Variants in CUX1 observed in about 807,000 individuals in gnomAD.
CUX1 encodes the protein cut like homeobox 1, also known as protein CASP.
A neutral mutation model predicts 158.8 loss-of-function variants in CUX1; 31 were observed. That is an observed-to-expected ratio of 0.20 (90% confidence interval 0.15 to 0.26). The LOEUF (loss-of-function observed/expected upper bound fraction) is 0.26. CUX1 is among the 10% of genes least tolerant of loss of function. The pLI is 1.00. For missense variants in CUX1, 1,589 were observed against 2,014.6 expected (o/e 0.79, Z 4.04); for synonymous variants, 879 against 862.1 (o/e 1.02, Z -0.34).
At chr7:101,817,616 C>T, upstream of CUX1, 1 of 1,542,406 alleles carries the variant, frequency 6.5e-7, no homozygotes, top group Non-Finnish European at 8.7e-7. The surrounding 1 kb of genome is among the most constrained non-coding windows in gnomAD (Gnocchi z 4.1). Flanking sequence ...GGCGCCGGGA[C>T]AGCCCCGGGA....
At position 101,919,209 on chromosome 7, in the gene CUX1, T is replaced by G. The variant is rs75912022; in HGVS notation, c.141+2984T>G. Among the ~76,000 whole-genome samples, 298 of 151,180 alleles carry G rather than the reference T, an allele frequency of 2.0e-3. 1 individual carries two copies. Among genetic ancestry groups the G allele is most frequent in the African/African-American group, 4.4e-3 (183 of 41,160 alleles). On this transcript the variant is annotated intron_variant, in intron 2 of 23. Coordinates refer to ENST00000292535, the MANE Select transcript of CUX1 (RefSeq NM_181552.4). ...CCCTGTGACAGCAGGTGTGTGTGTG[T>G]GGGGGGGGAGCTGTGACAGTACGTG... is the stretch of plus-strand genomic sequence containing the variant.
chr7:101,992,622 G>T (rs1236894448), intron 2 of CUX1, among the ~76,000 whole-genome samples: 1 of 152,182 alleles, frequency 6.6e-6, no homozygotes, highest in Non-Finnish European at 1.5e-5. Flanking sequence ...CCCAGAGGGT[G>T]ATACTGATTT....
rs782522480 is a variant in CUX1 at position 102,249,526 on chromosome 7, ACT to A, written c.*487_*488del. ...AGTGATTTCCACAGGTTCTGGAATA[ACT>A]CTTACAGCTTTGCCTTGTGTCCTCC... On this transcript the variant is annotated 3_prime_UTR_variant, in exon 24 of 24. Coordinates refer to ENST00000292535, the MANE Select transcript of CUX1 (RefSeq NM_181552.4). 3 of 985,774 alleles carry A rather than the reference ACT, an allele frequency of 3.0e-6. No homozygotes were observed. Among genetic ancestry groups the A allele is most frequent in the Non-Finnish European group, 2.4e-6 (2 of 829,928 alleles). 61.1% of individuals were successfully genotyped at this position (985,774 alleles called of 1,614,324 possible).
At position 101,865,905 on chromosome 7, in the gene CUX1, C is replaced by T. The variant is rs545486706; in HGVS notation, c.30+48236C>T. Among the ~76,000 whole-genome samples the T allele has an allele frequency of 2.6e-5, 4 of 152,256 alleles. No homozygotes were observed. The South Asian group carries it at 6.2e-4, about 24-fold the overall frequency. On this transcript the variant is annotated intron_variant, in intron 1 of 23. Coordinates refer to ENST00000292535, the MANE Select transcript of CUX1 (RefSeq NM_181552.4). ...ACGTGTTTTTGAGAGACCTTGGCAA[C>T]GCAGGCGACCTTGACGTCGACCAAA...
chr7:101,839,997 G>C (rs1242207008), intron 1 of CUX1, among the ~76,000 whole-genome samples: 1 of 152,176 alleles, frequency 6.6e-6, no homozygotes, highest in Non-Finnish European at 1.5e-5. Context: ...CCTGACCTCA[G>C]GTGATCCGTC....
chr7:102,190,950 A>T (rs1554516803), intron 12 of CUX1, among the ~76,000 whole-genome samples: 1 of 151,856 alleles, frequency 6.6e-6, no homozygotes, highest in East Asian at 1.9e-4. Context: ...ATGAGCCTAC[A>T]CCCACTCACC....
At chr7:102,012,070 A>G (rs1276907163) in intron 2 of CUX1, among the ~76,000 whole-genome samples, 1 of 152,170 alleles carries the variant, frequency 6.6e-6, no homozygotes, top group Non-Finnish European at 1.5e-5. Flanking sequence ...TTTGGACTAC[A>G]GAAAGGACTC....
At chr7:102,184,504 A>C (rs1008127918) in intron 11 of CUX1, among the ~76,000 whole-genome samples, 15 of 152,200 alleles carry the variant, frequency 9.9e-5, no homozygotes, top group Non-Finnish European at 2.9e-5. Flanking sequence ...TCAGATGAGA[A>C]ATGTGAGGCC....
chr7:101,834,089 G>A (rs1374359343), intron 1 of CUX1, among the ~76,000 whole-genome samples: 1 of 151,686 alleles, frequency 6.6e-6, no homozygotes, highest in Non-Finnish European at 1.5e-5. Context: ...ACAGGGCGGT[G>A]CCCAGGGATG....
chr7:102,223,521 ACTGT>A (rs1554527774), intron 20 of CUX1, among the ~76,000 whole-genome samples: 2 of 152,150 alleles, frequency 1.3e-5, no homozygotes, highest in East Asian at 1.9e-4. Flanking sequence ...TGTAGGATTC[ACTGT>A]CTGTCCTAAC....
At chr7:101,873,127 T>C (rs2131476687) in intron 1 of CUX1, among the ~76,000 whole-genome samples, 1 of 151,428 alleles carries the variant, frequency 6.6e-6, no homozygotes, top group East Asian at 1.9e-4. Context: ...CATCTAGGTC[T>C]CCCAAAGTGC....
At chr7:102,006,958 G>T (rs1308977996) in intron 2 of CUX1, among the ~76,000 whole-genome samples, 1 of 152,230 alleles carries the variant, frequency 6.6e-6, no homozygotes, top group African/African-American at 2.4e-5. Flanking sequence ...TGTATTTCTT[G>T]TAGATTTCGC....
At chr7:102,180,990 A>G (rs1349431628) in intron 11 of CUX1, among the ~76,000 whole-genome samples, 1 of 150,736 alleles carries the variant, frequency 6.6e-6, no homozygotes, top group Non-Finnish European at 1.5e-5. Context: ...TGCCCAGGCT[A>G]GGGTGCGATG....
chr7:101,831,973 C>G (rs1794092147), intron 1 of CUX1, among the ~76,000 whole-genome samples: 2 of 152,028 alleles, frequency 1.3e-5, no homozygotes, highest in African/African-American at 4.8e-5. Context: ...TCTTGAACTC[C>G]TGGCCTCAGG....
At chr7:101,818,912 C>T (rs1744082797) in intron 1 of CUX1, 1 of 152,186 alleles carries the variant, frequency 6.6e-6, no homozygotes, top group Admixed American at 6.6e-5. Flanking sequence ...TGGGTTGCCA[C>T]CTGGGGGTAA....
At chr7:101,919,709 C>T (rs565083481) in intron 2 of CUX1, among the ~76,000 whole-genome samples, 5 of 152,172 alleles carry the variant, frequency 3.3e-5, no homozygotes, top group African/African-American at 9.7e-5. Context: ...ATTAGGCACC[C>T]GCGAGGGTTC....
At chr7:101,942,257 G>A (rs886090238) in intron 2 of CUX1, among the ~76,000 whole-genome samples, 5 of 152,200 alleles carry the variant, frequency 3.3e-5, no homozygotes, top group African/African-American at 1.2e-4. Flanking sequence ...GCAGGGAAAC[G>A]GCCTGTCTGT....
intron 1 of CUX1, among the ~76,000 whole-genome samples, chr7:101,871,348 A>G (rs1798515082): frequency 6.6e-6 from 1 of 150,718 alleles, no homozygotes; most frequent in African/African-American, 2.4e-5. Flanking sequence ...AACACCCATC[A>G]TAGTGGCAGA....
At position 101,839,436 on chromosome 7, in the gene CUX1, G is replaced by A. The variant is rs552726839; in HGVS notation, c.30+21767G>A. On this transcript the variant is annotated intron_variant, in intron 1 of 23. Coordinates refer to ENST00000292535, the MANE Select transcript of CUX1 (RefSeq NM_181552.4). Reference sequence around the variant, plus strand: ...AAGCACCTCCAGATCGCTTCCCAGCGTGGCTGCCCCACTTACTCCCCCACC... The same window carrying A: ...AAGCACCTCCAGATCGCTTCCCAGCATGGCTGCCCCACTTACTCCCCCACC... Among the ~76,000 whole-genome samples, 7 of 152,304 alleles carry A rather than the reference G, an allele frequency of 4.6e-5. No homozygotes were observed. In the East Asian group the frequency reaches 9.7e-4, roughly 21 times the overall value.
Sources: allele counts gnomAD v4.1 joint callset (sites outside exome capture counted in the v4.1 genomes callset), GRCh38; gene constraint gnomAD v4.1.1; non-coding constraint Gnocchi (gnomAD v3.1); transcripts MANE v1.5; gene names NCBI Gene and HGNC (gene_info 2026-07-23, HGNC 2026-07-21).